ITPR1: variants seen among roughly 807,000 people sequenced by gnomAD.
ITPR1 encodes the protein inositol 1,4,5-trisphosphate-gated calcium channel ITPR1.
Under a neutral mutation model 318.4 loss-of-function variants are expected in ITPR1, and 96 were observed. The ratio of observed to expected loss-of-function variants is 0.30; its 90% CI spans 0.26 to 0.36. ITPR1 has a LOEUF of 0.36. Among genes scored for constraint, ITPR1 ranks in the 10% least tolerant of loss-of-function variants. The pLI, the probability that ITPR1 is intolerant of heterozygous loss-of-function variation, is 1.00. For missense variants in ITPR1, 2,440 were observed against 3,460.2 expected (o/e 0.71, Z 7.40); for synonymous variants, 1,312 against 1,289.9 (o/e 1.02, Z -0.37).
intron 4 of ITPR1, among the ~76,000 whole-genome samples, chr3:4,552,722 T>C (rs2085691681): frequency 6.6e-6 from 1 of 152,166 alleles, no homozygotes; most frequent in African/African-American, 2.4e-5. Context: ...ACCTTCAGCC[T>C]CTCTTCCCTC....
At chr3:4,749,597 A>G (rs184113636) in intron 44 of ITPR1, 2 of 152,208 alleles carry the variant, frequency 1.3e-5, no homozygotes, top group Non-Finnish European at 2.9e-5. Flanking sequence ...ACTTCGCATT[A>G]TCTGTTTGAA....
At chr3:4,692,901 A>C (rs1409784824) in intron 32 of ITPR1, among the ~76,000 whole-genome samples, 2 of 152,216 alleles carry the variant, frequency 1.3e-5, no homozygotes, top group African/African-American at 4.8e-5. Flanking sequence ...TGGGTGGATC[A>C]TCTGAGGTTG....
chr3:4,561,566 A>T (rs952661982), intron 4 of ITPR1, among the ~76,000 whole-genome samples: 2 of 152,190 alleles, frequency 1.3e-5, no homozygotes, highest in African/African-American at 4.8e-5. Flanking sequence ...AATGCTCAAT[A>T]TAGGACAAAA....
chr3:4,531,126 G>A (rs543205433), intron 4 of ITPR1, among the ~76,000 whole-genome samples: 2 of 152,194 alleles, frequency 1.3e-5, no homozygotes, highest in Admixed American at 1.3e-4. Flanking sequence ...CAATCAAGGT[G>A]TATCTGGGAT....
rs1235047967 is a variant in ITPR1, at chr3:4,768,777, G to C, written c.5979+13G>C. 1.2e-6 allele frequency: 2 copies of C among 1,602,938 alleles called. No homozygotes were observed. Among genetic ancestry groups the C allele is most frequent in the East Asian group, 2.2e-5 (1 of 44,612 alleles). On this transcript the variant is annotated intron_variant, in intron 46 of 61. Transcript: ENST00000649015. ...CCGAGACCTGCAGGTGAGGGCCTGG[G>C]GGTGGGGGCGTGGAGGGAGCTCGGG...
In ITPR1 at chr3:4,782,858, A is replaced by C. The variant is rs539046928; in HGVS notation, c.6510+117A>C. The C allele has an allele frequency of 1.1e-4, 109 of 956,826 alleles. No individual in the cohort carries two copies. In the East Asian group the frequency reaches 3.4e-3, roughly 30 times the overall value. 59.3% of individuals were successfully genotyped at this position (956,826 alleles called of 1,614,324 possible). A position where few individuals can be genotyped will look rare whatever the true frequency, so the allele number is the denominator to read the frequency against. ...ATGACTTTAACCTAGGACTGTCTGT[A>C]CTCATGAGCCTGCGGCTCACAGGTG... On this transcript the variant is annotated intron_variant, in intron 50 of 61. Transcript: ENST00000649015.
At position 4,800,484 on chromosome 3, in the gene ITPR1, A is replaced by G. The variant is rs1451243696; in HGVS notation, c.6991A>G (p.Ile2331Val). ...GACAGCCATGCTCATCTCTCTGGCC[A>G]TCGTCATTGCCCTCCCCAAGCCCCA... ...LWTAMLISLA[I>V]VIALPKPHGI... is the part of the protein sequence containing the mutation. The change falls in exon 54 of 62, where the codon ATC becomes GTC. Residue 2331 changes from isoleucine to valine, a missense_variant. Ile to Val is a conservative substitution (Grantham distance 29, BLOSUM62 3). Coordinates refer to ENST00000649015, the MANE Select transcript of ITPR1 (RefSeq NM_001378452.1). 6.2e-7 allele frequency: 1 copy of G among 1,613,996 alleles called. No homozygotes were observed. The highest frequency in any genetic ancestry group is 2.2e-5 in the East Asian group (1 of 44,884).
intron 12 of ITPR1, among the ~76,000 whole-genome samples, chr3:4,656,494 G>C (rs796937860): frequency 3.9e-5 from 6 of 152,268 alleles, no homozygotes; most frequent in African/African-American, 1.2e-4. Context: ...AAGGGTCTGG[G>C]GTTTGTGCAA....
chr3:4,652,085 G>A, intron 10 of ITPR1, 38 bp from the exon 11 acceptor site: 3 of 1,464,720 alleles, frequency 2.0e-6, no homozygotes, highest in South Asian at 1.2e-5. Flanking sequence ...CCTAGTGTAG[G>A]TTGACATTTC....
chr3:4,539,148 C>A (rs1384804684), intron 4 of ITPR1, among the ~76,000 whole-genome samples: 2 of 152,014 alleles, frequency 1.3e-5, no homozygotes, highest in East Asian at 1.9e-4. Context: ...TTATTGAGTT[C>A]TAATTATTTT....
At chr3:4,595,544 A>G (rs114297506) in intron 4 of ITPR1, among the ~76,000 whole-genome samples, 1 of 152,334 alleles carries the variant, frequency 6.6e-6, no homozygotes, top group Non-Finnish European at 1.5e-5. Context: ...GATCCAAACT[A>G]TATCAAAACT....
At chr3:4,836,170 T>A (rs2050899194) in intron 60 of ITPR1, among the ~76,000 whole-genome samples, 1 of 152,158 alleles carries the variant, frequency 6.6e-6, no homozygotes, top group African/African-American at 2.4e-5. Flanking sequence ...TAATGCATTT[T>A]AAAATACACA....
chr3:4,542,422 C>T (rs2084547532), intron 4 of ITPR1, among the ~76,000 whole-genome samples: 1 of 152,162 alleles, frequency 6.6e-6, no homozygotes, highest in African/African-American at 2.4e-5. Flanking sequence ...CAACTCAAGA[C>T]TATTTAAATC....
intron 4 of ITPR1, among the ~76,000 whole-genome samples, chr3:4,550,145 C>T (rs2085412120): frequency 6.6e-6 from 1 of 151,904 alleles, no homozygotes; most frequent in Admixed American, 6.6e-5. Context: ...TGGCGCATGC[C>T]AGAAAGCTAT....
At position 4,493,383 on chromosome 3, in the gene ITPR1, C is replaced by T. The variant is rs572878578; in HGVS notation, c.-315C>T. The T allele has an allele frequency of 3.9e-5, 6 of 154,502 alleles. No homozygotes were observed. The South Asian group carries it at 8.8e-4, about 23-fold the overall frequency. 9.6% of individuals were successfully genotyped at this position (154,502 alleles called of 1,614,324 possible). On this transcript the variant is annotated 5_prime_UTR_variant, in exon 1 of 62. Transcript: ENST00000649015. ...TGTGGATGTGCTGCTGAAGCGTTTCCTCAAGCTCGCTGGGGTGGGAGGAGA... is the reference window on the plus strand; with the variant it reads ...TGTGGATGTGCTGCTGAAGCGTTTCTTCAAGCTCGCTGGGGTGGGAGGAGA...
At chr3:4,771,834 G>A (rs373487116) in intron 46 of ITPR1, among the ~76,000 whole-genome samples, 1 of 152,052 alleles carries the variant, frequency 6.6e-6, no homozygotes. Flanking sequence ...TTGGGGGAGC[G>A]CACGGGATCC....
chr3:4,667,247 C>A, intron 17 of ITPR1, 130 bp from the exon 18 acceptor site: 1 of 573,754 alleles, frequency 1.7e-6, no homozygotes, highest in Non-Finnish European at 2.8e-6. Flanking sequence ...TAGGAAGACC[C>A]TCCCTTATAC....
At chr3:4,688,785 C>A (rs2094436878) in intron 31 of ITPR1, among the ~76,000 whole-genome samples, 165 bp downstream of exon 31, 1 of 152,134 alleles carries the variant, frequency 6.6e-6, no homozygotes, top group Non-Finnish European at 1.5e-5. Context: ...CATAAATACT[C>A]ATCTTTTGGG....
At chr3:4,733,397 C>G (rs2043063890) in intron 43 of ITPR1, among the ~76,000 whole-genome samples, 177 bp downstream of exon 43, 1 of 152,062 alleles carries the variant, frequency 6.6e-6, no homozygotes, top group Non-Finnish European at 1.5e-5. Flanking sequence ...AACATATTTT[C>G]CTGCAAACTA....
Sources: allele counts gnomAD v4.1 joint callset (sites outside exome capture counted in the v4.1 genomes callset), GRCh38; gene constraint gnomAD v4.1.1; transcripts MANE v1.5; gene names NCBI Gene and HGNC (gene_info 2026-07-23, HGNC 2026-07-21).